Variants in COL14A1 observed in about 807,000 individuals in gnomAD.
The protein encoded by COL14A1 is collagen alpha-1(XIV) chain.
A neutral mutation model predicts 230.3 loss-of-function variants in COL14A1; 136 were observed. That is an observed-to-expected ratio of 0.59 (90% CI 0.51 to 0.68). The LOEUF is 0.68. COL14A1 is among the 30% of genes least tolerant of loss of function. The probability of loss-of-function intolerance (pLI) is 0.00; values close to 1 mark genes in which losing one functional copy is unlikely to be tolerated. For missense variants in COL14A1, 1,976 were observed against 2,215.8 expected, an observed-to-expected ratio of 0.89 and a Z score of 2.17; for synonymous variants, 792 against 784.1, an observed-to-expected ratio of 1.01 and a Z score of -0.17.
At chr8:120,249,158 T>C (rs1253207547) in intron 21 of COL14A1, among the ~76,000 whole-genome samples, 4 of 150,438 alleles carry the variant, frequency 2.7e-5, no homozygotes, top group Non-Finnish European at 4.4e-5. Context: ...GACCTCGTGA[T>C]CCACCCGCCT....
intron 15 of COL14A1, 117 bp from the exon 16 acceptor site, chr8:120,226,510 G>A (rs997332691): frequency 9.5e-7 from 1 of 1,052,928 alleles, no homozygotes; most frequent in Non-Finnish European, 1.3e-6. Flanking sequence ...CTTCTTTCCT[G>A]TGCTTTCCTA....
At position 120,250,710 on chromosome 8, in the gene COL14A1, T is replaced by C. The variant is rs761451857; in HGVS notation, c.2696T>C (p.Ile899Thr). ...AGCGGAATGGACTACAATGTGAAGA[T>C]ATTTGCCTCCCAGGCCTCAGGCTTC... Reference protein sequence around the residue: ...LLSGMDYNVKIFASQASGFSD... With the variant: ...LLSGMDYNVKTFASQASGFSD... Residue 899 changes from isoleucine to threonine, a missense_variant, in exon 22 of 48, where the codon ATA (isoleucine) becomes ACA (threonine). By Grantham distance (89) the Ile-to-Thr change is moderately conservative (BLOSUM62 -1). Coordinates refer to ENST00000297848, the MANE Select transcript of COL14A1 (RefSeq NM_021110.4). 1.4e-5 allele frequency: 23 copies of C among 1,614,228 alleles called. No homozygotes were observed. The highest frequency in any genetic ancestry group is 1.9e-5 in the Non-Finnish European group (23 of 1,180,046).
intron 1 of COL14A1, among the ~76,000 whole-genome samples, chr8:120,127,344 G>T (rs925342345): frequency 6.6e-6 from 1 of 152,150 alleles, no homozygotes; most frequent in Non-Finnish European, 1.5e-5. Context: ...CCTCCTGTGG[G>T]TCCCTTTGAA....
intron 1 of COL14A1, among the ~76,000 whole-genome samples, chr8:120,136,186 C>A (rs1269327915): frequency 1.3e-5 from 2 of 152,060 alleles, no homozygotes; most frequent in Admixed American, 6.6e-5. Flanking sequence ...TATTCTTGAT[C>A]TTAGGAGAAA....
intron 40 of COL14A1, among the ~76,000 whole-genome samples, chr8:120,318,449 G>A (rs1359674476): frequency 1.3e-5 from 2 of 152,120 alleles, no homozygotes; most frequent in East Asian, 3.9e-4. Flanking sequence ...CTATTTAGGT[G>A]GCTCTGATCT....
At chr8:120,339,935 G>C (rs1298852465) in intron 42 of COL14A1, among the ~76,000 whole-genome samples, 2 of 151,752 alleles carry the variant, frequency 1.3e-5, no homozygotes, top group Non-Finnish European at 2.9e-5. Flanking sequence ...CTACTCAGGA[G>C]GCTGAGGCAG....
intron 26 of COL14A1, among the ~76,000 whole-genome samples, chr8:120,274,633 G>T (rs1819782206): frequency 6.6e-6 from 1 of 151,800 alleles, no homozygotes; most frequent in Non-Finnish European, 1.5e-5. Flanking sequence ...TAAACTCTTA[G>T]GTTACAAATC....
chr8:120,288,621 A>G (rs2129952010), intron 33 of COL14A1, among the ~76,000 whole-genome samples: 1 of 152,244 alleles, frequency 6.6e-6, no homozygotes, highest in South Asian at 2.1e-4. Flanking sequence ...CAGATTTGTA[A>G]CTTCTTTTGG....
chr8:120,280,086 A>G lies in COL14A1; in HGVS notation c.3633A>G (p.Glu1211=). The change falls in exon 29 of 48, where the codon GAA becomes GAG. Residue 1211 remains glutamate (E), a synonymous_variant. Coordinates refer to ENST00000297848, the MANE Select transcript of COL14A1 (RefSeq NM_021110.4). ...ATGAGTTAATTACTTTTGTCTGCGA[A>G]ACAGCATCAGCAAGTTAGTTCTTTG... ...IEDELITFVC[E]TASATCPVVH... The G allele has an allele frequency of 6.2e-7, 1 of 1,613,754 alleles. No homozygotes were observed.
chr8:120,233,822 A>C (rs1334989674), intron 19 of COL14A1, among the ~76,000 whole-genome samples: 1 of 152,160 alleles, frequency 6.6e-6, no homozygotes, highest in Non-Finnish European at 1.5e-5. Flanking sequence ...GTTCCATGTG[A>C]AATTTAAAGT....
At chr8:120,247,016 T>C (rs1246271542) in intron 20 of COL14A1, among the ~76,000 whole-genome samples, 2 of 152,206 alleles carry the variant, frequency 1.3e-5, no homozygotes. Context: ...ATAAACACGA[T>C]TGAATTCAAT....
chr8:120,331,285 G>T (rs554512597), intron 40 of COL14A1, among the ~76,000 whole-genome samples: 3 of 152,232 alleles, frequency 2.0e-5, no homozygotes, highest in Admixed American at 2.0e-4. Flanking sequence ...CACCAATTCC[G>T]TGGTGAAAAT....
chr8:120,368,898 T>C (rs1259383882), intron 46 of COL14A1, among the ~76,000 whole-genome samples: 2 of 152,176 alleles, frequency 1.3e-5, no homozygotes, highest in Non-Finnish European at 2.9e-5. Flanking sequence ...TGGTACTGAA[T>C]TGCATGGCTA....
intron 25 of COL14A1, 28 bp downstream of exon 25, chr8:120,266,911 A>G: frequency 6.4e-7 from 1 of 1,573,514 alleles, no homozygotes; most frequent in Non-Finnish European, 8.7e-7. Context: ...TAATTATCTG[A>G]TTCTAGGTTT....
chr8:120,211,000 A>G (rs548831902), intron 12 of COL14A1, among the ~76,000 whole-genome samples: 1 of 152,206 alleles, frequency 6.6e-6, no homozygotes, highest in Non-Finnish European at 1.5e-5. Flanking sequence ...TTTAAAACCA[A>G]TAGATTAGCA....
chr8:120,210,840 C>T (rs973699998), intron 12 of COL14A1, among the ~76,000 whole-genome samples: 3 of 151,984 alleles, frequency 2.0e-5, no homozygotes, highest in Non-Finnish European at 2.9e-5. Flanking sequence ...GTATTGGTGA[C>T]ATGTGTCTTT....
chr8:120,312,212 T>C (rs1480124702), intron 37 of COL14A1, among the ~76,000 whole-genome samples: 1 of 152,162 alleles, frequency 6.6e-6, no homozygotes, highest in Admixed American at 6.6e-5. Flanking sequence ...TCCATCGTAT[T>C]TTTAAAAATC....
intron 19 of COL14A1, among the ~76,000 whole-genome samples, chr8:120,232,336 G>T (rs10094424): frequency 6.6e-6 from 1 of 151,720 alleles, no homozygotes; most frequent in Non-Finnish European, 1.5e-5. Context: ...TTTTACATAG[G>T]TATACATGGA....
chr8:120,332,440 CA>C (rs1563742397), intron 41 of COL14A1, among the ~76,000 whole-genome samples: 2 of 152,130 alleles, frequency 1.3e-5, no homozygotes, highest in Admixed American at 1.3e-4. Flanking sequence ...TATTAAATCA[CA>C]ACTAAGGCTT....
Sources: gnomAD v4.1 joint callset for allele counts (sites outside exome capture counted in the v4.1 genomes callset) on GRCh38, gnomAD v4.1.1 for gene constraint, MANE v1.5 for transcripts, NCBI Gene and HGNC (gene_info 2026-07-23, HGNC 2026-07-21) for gene names.